The following ODAD2 variants were observed in gnomAD, a reference collection of about 807,000 sequenced individuals.
ODAD2 encodes outer dynein arm-docking complex subunit 2.
Under a neutral mutation model 106.8 loss-of-function variants are expected in ODAD2, and 89 were observed. The observed-to-expected ratio is 0.83, with a 90% CI of 0.70 to 0.99. The LOEUF is 0.99. Among genes scored for constraint, ODAD2 ranks in the 50% least tolerant of loss-of-function variants. The pLI, the probability that ODAD2 is intolerant of heterozygous loss-of-function variation, is 0.00. For missense variants in ODAD2, 1,168 were observed against 1,238.5 expected (o/e 0.94, Z 0.85); for synonymous variants, 404 against 436.2 (o/e 0.93, Z 0.92).
Position 27,911,472 on chromosome 10 carries a change from A to G in ODAD2, c.2496-3695T>C, listed in dbSNP as rs149402765. ...CTGTATTTTAATGGACCATTGGGAA[A>G]CTACAGTCTTGTGAGGGTGATAAAC... On this transcript the variant is annotated intron_variant, in intron 16 of 19. Transcript: ENST00000305242. Among the ~76,000 whole-genome samples the G allele has an allele frequency of 4.3e-4, 66 of 152,300 alleles. 1 individual carries two copies. Among genetic ancestry groups the G allele is most frequent in the Admixed American group, 4.0e-3 (61 of 15,298 alleles).
At chr10:27,976,526 A>C (rs1041308471) in intron 7 of ODAD2, among the ~76,000 whole-genome samples, 3 of 152,184 alleles carry the variant, frequency 2.0e-5, no homozygotes, top group Non-Finnish European at 2.9e-5. Context: ...TGAAACACAG[A>C]TAAGTTTCAA....
intron 19 of ODAD2, among the ~76,000 whole-genome samples, chr10:27,838,829 G>C (rs1368802466): frequency 2.0e-5 from 3 of 152,120 alleles, no homozygotes; most frequent in Non-Finnish European, 4.4e-5. Context: ...TACAGAGTTG[G>C]CTGCAATTAT....
intron 16 of ODAD2, among the ~76,000 whole-genome samples, chr10:27,932,557 T>C (rs1296726994): frequency 2.0e-5 from 3 of 152,234 alleles, no homozygotes; most frequent in African/African-American, 4.8e-5. Flanking sequence ...AAATTCTATA[T>C]GGAAAATATT....
chr10:27,845,723 G>A (rs972946738), intron 19 of ODAD2, among the ~76,000 whole-genome samples: 3 of 152,118 alleles, frequency 2.0e-5, no homozygotes, highest in Admixed American at 6.5e-5. Flanking sequence ...AGGTATGGAG[G>A]AAGACCTACC....
chr10:27,957,362 C>T (rs960735833), intron 10 of ODAD2: 19 of 152,312 alleles, frequency 1.2e-4, no homozygotes, highest in African/African-American at 4.6e-4. Context: ...CCCCTTCACA[C>T]CATCGGGGCA....
chr10:27,896,290 A>G (rs2133758560), intron 17 of ODAD2, among the ~76,000 whole-genome samples: 1 of 152,340 alleles, frequency 6.6e-6, no homozygotes, highest in Middle Eastern at 3.4e-3. Context: ...TGAAATAATC[A>G]GCCAAATTAG....
At chr10:27,886,318 T>A (rs1420004517) in intron 17 of ODAD2, among the ~76,000 whole-genome samples, 1 of 150,804 alleles carries the variant, frequency 6.6e-6, no homozygotes, top group Non-Finnish European at 1.5e-5. Context: ...AATATACATA[T>A]CAGTAGATTT....
chr10:27,987,711 A>T (rs1390437257), intron 2 of ODAD2, among the ~76,000 whole-genome samples, 168 bp from the exon 3 acceptor site: 2 of 152,088 alleles, frequency 1.3e-5, no homozygotes, highest in African/African-American at 4.8e-5. Context: ...TCCACACTCA[A>T]ACTCTTAAAT....
intron 14 of ODAD2, 68 bp from the exon 15 acceptor site, chr10:27,936,948 G>C (rs1194688676): frequency 2.7e-6 from 4 of 1,501,998 alleles, no homozygotes; most frequent in Non-Finnish European, 3.6e-6. Context: ...ATGCTAAAAA[G>C]GCTGCCATTC....
At chr10:27,853,353 C>A in intron 19 of ODAD2, 1 of 264,250 alleles carries the variant, frequency 3.8e-6, no homozygotes, top group Non-Finnish European at 7.3e-6. Context: ...GGCGACATGG[C>A]GAGACTCTGT....
Position 27,936,886 on chromosome 10 carries a change from C to T in ODAD2, c.2098-6G>A, listed in dbSNP as rs1226089165. On this transcript the variant is annotated splice_polypyrimidine_tract_variant and splice_region_variant and intron_variant, in intron 14 of 19. Transcript: ENST00000305242. ...GTTTCCTTATCTTCAGCACACTGCA[C>T]GAAAAGTCAGACAGAGGCTGTCAGT... The T allele has an allele frequency of 9.4e-6, 15 of 1,591,284 alleles. No homozygotes were observed. The highest frequency in any genetic ancestry group is 4.6e-5 in the South Asian group (4 of 86,596).
chr10:27,971,014 AC>A (rs1470759787), intron 8 of ODAD2, 93 bp downstream of exon 8: 1 of 361,628 alleles, frequency 2.8e-6, no homozygotes. Context: ...AAATAAACAA[AC>A]AAACAAAATA....
intron 17 of ODAD2, among the ~76,000 whole-genome samples, chr10:27,897,439 A>G (rs932601378): frequency 5.3e-5 from 8 of 152,198 alleles, no homozygotes; most frequent in South Asian, 2.1e-4. Context: ...AGCTGTCAAC[A>G]TTAAAGAAAA....
chr10:27,926,938 GA>G lies in ODAD2; in HGVS notation c.2495+8071del, dbSNP rs373437940. Among the ~76,000 whole-genome samples, 19 of 152,118 alleles carry G rather than the reference GA, an allele frequency of 1.2e-4. No homozygotes were observed. The South Asian group carries it at 3.7e-3, about 30-fold the overall frequency. ...ACATTACTTGATACTTACAAAACAA[GA>G]AACGAAAATTCAGCACACGTAAATC... On this transcript the variant is annotated intron_variant, in intron 16 of 19. Coordinates refer to ENST00000305242, the MANE Select transcript of ODAD2 (RefSeq NM_018076.5).
chr10:27,818,836 A>C (rs1836363588), intron 19 of ODAD2, among the ~76,000 whole-genome samples: 1 of 152,178 alleles, frequency 6.6e-6, no homozygotes, highest in African/African-American at 2.4e-5. Context: ...CTACCTGAGA[A>C]GGAATCTAGA....
intron 12 of ODAD2, 78 bp from the exon 13 acceptor site, chr10:27,940,883 TC>T: frequency 6.9e-7 from 1 of 1,439,530 alleles, no homozygotes; most frequent in East Asian, 2.3e-5. Flanking sequence ...GCTACAGTGT[TC>T]CTTACCAAGC....
chr10:27,861,054 C>T lies in ODAD2; in HGVS notation c.2800-208G>A, dbSNP rs58720058. On this transcript the variant is annotated intron_variant, in intron 18 of 19. Transcript: ENST00000305242. Reference sequence around the variant, plus strand: ...TTGCCCAGGCTGAAGTGCAGTGGTGCCATCTCAGCTCACTGCAAGCTCGGC... The same window carrying T: ...TTGCCCAGGCTGAAGTGCAGTGGTGTCATCTCAGCTCACTGCAAGCTCGGC... Among the ~76,000 whole-genome samples the T allele has an allele frequency of 0.047, 7,205 of 152,188 alleles. 548 individuals are homozygous for T. Among genetic ancestry groups the T allele is most frequent in the African/African-American group, 0.16 (6,801 of 41,510 alleles).
intron 2 of ODAD2, among the ~76,000 whole-genome samples, chr10:27,988,955 G>T (rs1850051971): frequency 1.3e-5 from 2 of 152,140 alleles, no homozygotes; most frequent in Non-Finnish European, 2.9e-5. Flanking sequence ...AAGACAGGAG[G>T]GACAGAGGCA....
intron 17 of ODAD2, among the ~76,000 whole-genome samples, chr10:27,899,627 G>C (rs1302331274): frequency 6.6e-6 from 1 of 152,150 alleles, no homozygotes; most frequent in Non-Finnish European, 1.5e-5. Context: ...AGCTTGGTGG[G>C]GGAGGGGAGT....
Sources: gnomAD v4.1 joint callset for allele counts (sites outside exome capture counted in the v4.1 genomes callset) on GRCh38, gnomAD v4.1.1 for gene constraint, MANE v1.5 for transcripts, NCBI Gene and HGNC (gene_info 2026-07-23, HGNC 2026-07-21) for gene names.